The following BCKDHB variants were observed in gnomAD, a reference collection of about 807,000 sequenced individuals.
The protein encoded by BCKDHB is 2-oxoisovalerate dehydrogenase subunit beta, mitochondrial.
BCKDHB carries 41 observed loss-of-function variants against 48.5 expected under a neutral mutation model. The observed-to-expected ratio is 0.85, with a 90% CI of 0.66 to 1.10. BCKDHB has a LOEUF of 1.10. BCKDHB is among the 50% of genes least tolerant of loss of function. BCKDHB has a pLI of 0.00. For synonymous variants in BCKDHB, 201 were observed against 174.8 expected, an observed-to-expected ratio of 1.15 and a Z score of -1.18; for missense variants, 496 against 494.2, an observed-to-expected ratio of 1.00 and a Z score of -0.03.
chr6:80,303,569 A>G (rs1008020424), intron 9 of BCKDHB, among the ~76,000 whole-genome samples: 6 of 152,062 alleles, frequency 3.9e-5, no homozygotes, highest in African/African-American at 1.4e-4. Context: ...GAAATTGAGC[A>G]TTTGGCGTTC....
chr6:80,179,638 T>C (rs1562113708), intron 6 of BCKDHB, among the ~76,000 whole-genome samples: 1 of 152,150 alleles, frequency 6.6e-6, no homozygotes, highest in Non-Finnish European at 1.5e-5. Context: ...GCACTATTCA[T>C]AGCCATGACT....
chr6:80,300,012 T>C (rs536773543), intron 9 of BCKDHB, among the ~76,000 whole-genome samples: 1 of 150,242 alleles, frequency 6.7e-6, no homozygotes, highest in African/African-American at 2.4e-5. Context: ...GAAAGACCTA[T>C]CATGCAAACG....
the BCKDHB span, among the ~76,000 whole-genome samples, chr6:80,405,989 C>A: frequency 6.6e-6 from 1 of 152,114 alleles, no homozygotes; most frequent in Non-Finnish European, 1.5e-5. Flanking sequence ...CCCCCGCCCC[C>A]ACCAGGCCCC....
the BCKDHB span, among the ~76,000 whole-genome samples, chr6:80,450,673 C>T: frequency 1.3e-5 from 2 of 152,158 alleles, no homozygotes; most frequent in African/African-American, 2.4e-5. Flanking sequence ...TCTAATCCAG[C>T]TGTTACAATC....
the BCKDHB span, among the ~76,000 whole-genome samples, chr6:80,389,968 G>A: frequency 6.6e-6 from 1 of 152,108 alleles, no homozygotes; most frequent in African/African-American, 2.4e-5. Flanking sequence ...TGGCCTAGAG[G>A]TCTTAGTTCC....
chr6:80,282,088 C>T (rs1047582941), intron 9 of BCKDHB, among the ~76,000 whole-genome samples: 10 of 152,032 alleles, frequency 6.6e-5, no homozygotes, highest in Admixed American at 1.3e-4. Flanking sequence ...AGAGAACTAA[C>T]GTGTACTCTG....
intron 3 of BCKDHB, among the ~76,000 whole-genome samples, chr6:80,141,376 GA>G (rs147701372): frequency 1.3e-5 from 2 of 152,080 alleles, no homozygotes; most frequent in African/African-American, 4.8e-5. Context: ...TAAAAAGTTT[GA>G]AAAAAATCTA....
At chr6:80,451,834 G>C in the BCKDHB span, among the ~76,000 whole-genome samples, 1 of 152,082 alleles carries the variant, frequency 6.6e-6, no homozygotes, top group Non-Finnish European at 1.5e-5. Flanking sequence ...GTCTTTTCAA[G>C]GGGCTTTTTT....
the BCKDHB span, among the ~76,000 whole-genome samples, chr6:80,411,725 T>G: frequency 6.6e-6 from 1 of 152,226 alleles, no homozygotes; most frequent in Non-Finnish European, 1.5e-5. Flanking sequence ...CTCAGACTGC[T>G]GCGCTAGCAG....
chr6:80,267,262 CAG>C (rs1175520326), intron 8 of BCKDHB, among the ~76,000 whole-genome samples: 1 of 152,034 alleles, frequency 6.6e-6, no homozygotes, highest in African/African-American at 2.4e-5. Context: ...AGAGTTGAAG[CAG>C]AGTGTGCTGC....
intron 8 of BCKDHB, among the ~76,000 whole-genome samples, chr6:80,227,581 A>G (rs1775733899): frequency 6.6e-6 from 1 of 152,202 alleles, no homozygotes; most frequent in Non-Finnish European, 1.5e-5. Flanking sequence ...TTTAAAATTC[A>G]GTTAGCTCAT....
At chr6:80,439,839 A>G in the BCKDHB span, among the ~76,000 whole-genome samples, 5 of 152,238 alleles carry the variant, frequency 3.3e-5, no homozygotes, top group African/African-American at 4.8e-5. Context: ...GTACTAGAAG[A>G]CATGCCTAAC....
At chr6:80,228,373 G>A (rs1488413810) in intron 8 of BCKDHB, among the ~76,000 whole-genome samples, 1 of 152,164 alleles carries the variant, frequency 6.6e-6, no homozygotes, top group Non-Finnish European at 1.5e-5. Flanking sequence ...TTAAGCAGAT[G>A]GTACTCAGAT....
intron 9 of BCKDHB, among the ~76,000 whole-genome samples, chr6:80,322,668 C>A (rs1446151611): frequency 1.3e-5 from 2 of 152,028 alleles, no homozygotes; most frequent in Non-Finnish European, 2.9e-5. Flanking sequence ...AGTATACTCA[C>A]AAAAGAAGGA....
the BCKDHB span, among the ~76,000 whole-genome samples, chr6:80,383,248 G>A: frequency 6.6e-6 from 1 of 151,976 alleles, no homozygotes; most frequent in African/African-American, 2.4e-5. Context: ...TCTTTTTTCT[G>A]TAGTAAATTG....
intron 8 of BCKDHB, among the ~76,000 whole-genome samples, chr6:80,264,727 G>A (rs1777442092): frequency 6.6e-6 from 1 of 151,970 alleles, no homozygotes; most frequent in Non-Finnish European, 1.5e-5. Context: ...AAGAGGACAT[G>A]GTAAACAATT....
the BCKDHB span, among the ~76,000 whole-genome samples, chr6:80,370,756 C>T: frequency 6.8e-6 from 1 of 146,786 alleles, no homozygotes; most frequent in East Asian, 2.0e-4. Context: ...AGTAGTGTTC[C>T]ATGGGGTGTG....
downstream of BCKDHB, among the ~76,000 whole-genome samples, chr6:80,347,083 C>G (rs1770251777): frequency 6.6e-6 from 1 of 150,618 alleles, no homozygotes; most frequent in Non-Finnish European, 1.5e-5. Context: ...TGTGTCCTAT[C>G]TATTTTTACC....
rs1770186027 is a variant in BCKDHB at position 80,346,008 on chromosome 6, A to AT, written c.*2210dup. 1 of 152,060 alleles carries AT rather than the reference A, an allele frequency of 6.6e-6. No homozygotes were observed. The highest frequency in any genetic ancestry group is 2.1e-4 in the South Asian group (1 of 4,826). The allele number at this position is 152,060 out of a possible 1,614,324, so 9.4% of individuals were successfully genotyped here. On this transcript the variant is annotated 3_prime_UTR_variant, in exon 10 of 10. Coordinates refer to ENST00000320393, the MANE Select transcript of BCKDHB (RefSeq NM_183050.4). Reference sequence around the variant, plus strand: ...GAAGATTATGACTAGATATGGAAATATTTTTTCTGAATTTTTTTTTATATT... The same window carrying AT: ...GAAGATTATGACTAGATATGGAAATATTTTTTTCTGAATTTTTTTTTATATT...
Sources: allele counts gnomAD v4.1 joint callset (sites outside exome capture counted in the v4.1 genomes callset), GRCh38; gene constraint gnomAD v4.1.1; transcripts MANE v1.5; gene names NCBI Gene and HGNC (gene_info 2026-07-23, HGNC 2026-07-21).